Variants in AGO3 observed in about 807,000 individuals in gnomAD.
AGO3 encodes argonaute RISC catalytic component 3.
Under a neutral mutation model 105.5 loss-of-function variants are expected in AGO3, and 16 were observed. The ratio of observed to expected loss-of-function variants is 0.15; its 90% CI spans 0.10 to 0.23. AGO3 has a LOEUF of 0.23. Among genes scored for constraint, AGO3 ranks in the 10% least tolerant of loss-of-function variants. The probability of loss-of-function intolerance (pLI) is 1.00; values close to 1 mark genes in which losing one functional copy is unlikely to be tolerated. For missense variants in AGO3, 534 were observed against 1,088.0 expected, an observed-to-expected ratio of 0.49 and a Z score of 7.16; for synonymous variants, 340 against 367.3, an observed-to-expected ratio of 0.93 and a Z score of 0.85.
At chr1:35,970,130 G>A (rs1247431645) in intron 3 of AGO3, among the ~76,000 whole-genome samples, 3 of 152,122 alleles carry the variant, frequency 2.0e-5, no homozygotes, top group African/African-American at 7.2e-5. Flanking sequence ...CTTTTAGTTG[G>A]CAAATGCAAT....
At chr1:35,987,902 T>C (rs1647270424) in intron 5 of AGO3, among the ~76,000 whole-genome samples, 3 of 151,818 alleles carry the variant, frequency 2.0e-5, no homozygotes, top group African/African-American at 7.3e-5. Context: ...ACCCCGTCTC[T>C]ACTAAAAATA....
chr1:35,975,935 T>G (rs1646949639), intron 5 of AGO3, among the ~76,000 whole-genome samples: 1 of 152,000 alleles, frequency 6.6e-6, no homozygotes, highest in Admixed American at 6.6e-5. Flanking sequence ...TTTTTTTTCT[T>G]TCTTTCTTTT....
intron 5 of AGO3, among the ~76,000 whole-genome samples, chr1:36,002,385 AG>A (rs2148807122): frequency 7.1e-6 from 1 of 140,674 alleles, no homozygotes; most frequent in South Asian, 2.2e-4. Context: ...GGTGGAGTGC[AG>A]TGGCGTGATC....
At chr1:35,936,298 A>T (rs1646144804) in intron 1 of AGO3, among the ~76,000 whole-genome samples, 1 of 152,080 alleles carries the variant, frequency 6.6e-6, no homozygotes, top group African/African-American at 2.4e-5. Flanking sequence ...AAACCTTGTC[A>T]CACAACTGAT....
intron 14 of AGO3, among the ~76,000 whole-genome samples, chr1:36,039,492 CAAAAAAAAAA>C (rs1048314282): frequency 1.8e-5 from 1 of 55,662 alleles, no homozygotes; most frequent in African/African-American, 5.2e-5. Context: ...GACTGCGTCT[CAAAAAAAAAA>C]AAAAAAAAAA....
At chr1:35,932,488 A>G (rs1275972629) in intron 1 of AGO3, among the ~76,000 whole-genome samples, 1 of 152,162 alleles carries the variant, frequency 6.6e-6, no homozygotes, top group South Asian at 2.1e-4. Flanking sequence ...TTTGTTGAAT[A>G]GATTACGTGT....
chr1:35,995,209 A>AAAAATATATATATATATATATATAT (rs1237315557), intron 5 of AGO3, among the ~76,000 whole-genome samples: 1 of 114,788 alleles, frequency 8.7e-6, no homozygotes, highest in African/African-American at 3.8e-5. Context: ...TAAAAAAAAA[A>AAAAATATATATATATATATATATAT]ATATATATAT....
chr1:36,036,208 T>C lies in AGO3; in HGVS notation c.1783T>C (p.Leu595=), dbSNP rs754631855. The C allele has an allele frequency of 3.1e-6, 5 of 1,614,156 alleles. No individual in the cohort carries two copies. The highest frequency in any genetic ancestry group is 4.2e-6 in the Non-Finnish European group (5 of 1,179,992). The part of the protein sequence containing the change: ...PSVFQQPVIF[L]GADVTHPPAG... ...TGTGTTCCAGCAACCAGTGATCTTTTTGGGAGCCGATGTCACTCATCCACC... is the reference window on the plus strand; with the variant it reads ...TGTGTTCCAGCAACCAGTGATCTTTCTGGGAGCCGATGTCACTCATCCACC... The change falls in exon 14 of 19, where the codon TTG becomes CTG. Residue 595 remains leucine (L), a synonymous_variant. Transcript: ENST00000373191.
At chr1:35,944,379 T>C (rs76453670) in intron 1 of AGO3, among the ~76,000 whole-genome samples, 7,263 of 152,102 alleles carry the variant, frequency 0.048, 561 homozygotes, top group African/African-American at 0.16. Context: ...CAGTAAGTTT[T>C]ATTTCTCTAG....
intron 2 of AGO3, among the ~76,000 whole-genome samples, chr1:35,961,150 A>G (rs1646668811): frequency 1.3e-5 from 2 of 150,608 alleles, no homozygotes; most frequent in Admixed American, 6.6e-5. Flanking sequence ...ACAGGGTTTC[A>G]CCGTGTTAGC....
chr1:35,994,238 C>G (rs1648049047), intron 5 of AGO3, among the ~76,000 whole-genome samples: 1 of 151,688 alleles, frequency 6.6e-6, no homozygotes, highest in Non-Finnish European at 1.5e-5. Flanking sequence ...CATAAGCCAC[C>G]ATGCCCGGCC....
rs983927427 is a variant in AGO3 at position 36,068,049 on chromosome 1, A to T, written c.*12304A>T. Reference sequence around the variant, plus strand: ...CTAGAGTGCCACCATTCTTATTTGTAATACAATCAGTGTTTTATGCCATTT... The same window carrying T: ...CTAGAGTGCCACCATTCTTATTTGTTATACAATCAGTGTTTTATGCCATTT... On this transcript the variant is annotated 3_prime_UTR_variant, in exon 19 of 19. Transcript: ENST00000373191. The T allele has an allele frequency of 2.0e-5, 3 of 152,190 alleles. No individual in the cohort carries two copies. The highest frequency in any genetic ancestry group is 7.2e-5 in the African/African-American group (3 of 41,458). The allele number at this position is 152,190 out of a possible 1,614,324, so 9.4% of individuals were successfully genotyped here.
intron 5 of AGO3, among the ~76,000 whole-genome samples, chr1:35,986,254 T>C (rs1185832630): frequency 6.6e-6 from 1 of 152,210 alleles, no homozygotes; most frequent in South Asian, 2.1e-4. Flanking sequence ...TTATATGTAA[T>C]AGCAGAAAAT....
intron 1 of AGO3, among the ~76,000 whole-genome samples, chr1:35,936,474 A>G (rs1338060329): frequency 2.0e-5 from 3 of 152,152 alleles, no homozygotes; most frequent in African/African-American, 7.2e-5. Context: ...GCTAGAGTGC[A>G]ATGGTGTGAT....
intron 1 of AGO3, among the ~76,000 whole-genome samples, chr1:35,937,659 C>T (rs1646175163): frequency 6.6e-6 from 1 of 152,116 alleles, no homozygotes; most frequent in African/African-American, 2.4e-5. Context: ...CACTGCCCTC[C>T]AGCCTGGACC....
intron 11 of AGO3, among the ~76,000 whole-genome samples, chr1:36,014,568 G>A (rs1189311020): frequency 6.6e-6 from 1 of 151,042 alleles, no homozygotes; most frequent in African/African-American, 2.4e-5. Flanking sequence ...TCAGGAGATC[G>A]AGACCATCCT....
chr1:35,970,847 A>G (rs1335545473), intron 3 of AGO3, among the ~76,000 whole-genome samples: 2 of 151,486 alleles, frequency 1.3e-5, no homozygotes, highest in Non-Finnish European at 2.9e-5. Context: ...CTACTGCCTC[A>G]GCCTCTCAAG....
chr1:35,996,424 TAACTC>T lies in AGO3; in HGVS notation c.659-7915_659-7911del, dbSNP rs1242059645. On this transcript the variant is annotated intron_variant, in intron 5 of 18. Coordinates refer to ENST00000373191, the MANE Select transcript of AGO3 (RefSeq NM_024852.4). ...GTCCAGAATATATGAAAATTGTACA[TAACTC>T]AGTAAGAAATAGAAAAAAAGTAGTA... Among the ~76,000 whole-genome samples, 6 of 151,154 alleles carry T rather than the reference TAACTC, an allele frequency of 4.0e-5. No homozygotes were observed. The East Asian group carries it at 5.8e-4, about 15-fold the overall frequency.
At chr1:36,030,366 G>A (rs1219760515) in intron 12 of AGO3, among the ~76,000 whole-genome samples, 1 of 151,990 alleles carries the variant, frequency 6.6e-6, no homozygotes, top group Non-Finnish European at 1.5e-5. Flanking sequence ...AGCCAGGCAT[G>A]GTAGTACACA....
Sources: gnomAD v4.1 joint callset for allele counts (sites outside exome capture counted in the v4.1 genomes callset) on GRCh38, gnomAD v4.1.1 for gene constraint, MANE v1.5 for transcripts, NCBI Gene and HGNC (gene_info 2026-07-23, HGNC 2026-07-21) for gene names.